Variants in CCSAP observed in about 807,000 individuals in gnomAD.
The protein encoded by CCSAP is centriole, cilia and spindle associated protein, also known as centriole, cilia and spindle-associated protein.
A neutral mutation model predicts 25.9 loss-of-function variants in CCSAP; 17 were observed. The ratio of observed to expected loss-of-function variants is 0.66; its 90% CI spans 0.45 to 0.99. The LOEUF is 0.99. Ranked by LOEUF, CCSAP falls within the 50% of genes least tolerant of loss-of-function variation. The pLI, the probability that CCSAP is intolerant of heterozygous loss-of-function variation, is 0.00. For synonymous variants in CCSAP, 169 were observed against 157.1 expected (o/e 1.08, Z -0.57); for missense variants, 339 against 367.8 (o/e 0.92, Z 0.64).
In CCSAP at chr1:229,342,750, A is replaced by G. The variant is rs1658373103; in HGVS notation, c.-49+162T>C. 6.6e-6 allele frequency among the ~76,000 whole-genome samples: 1 copy of G among 151,644 alleles called. No homozygotes were observed. Among genetic ancestry groups the G allele is most frequent in the Admixed American group, 6.6e-5 (1 of 15,252 alleles). ...CCGAGGAGGGCTGCTCAGTGGGCGGAAGGCAGGGAGGCTGCGGGCTGGGGC... is the reference window on the plus strand; with the variant it reads ...CCGAGGAGGGCTGCTCAGTGGGCGGGAGGCAGGGAGGCTGCGGGCTGGGGC... On this transcript the variant is annotated intron_variant, in intron 1 of 3. Coordinates refer to ENST00000284617, the MANE Select transcript of CCSAP (RefSeq NM_145257.5). This position sits in a 1 kb window ranked among gnomAD's most constrained non-coding sequence, Gnocchi z 7.5.
rs149911381 is a variant in CCSAP at position 229,327,472 on chromosome 1, G to C, written c.368-466C>G. On this transcript the variant is annotated intron_variant, in intron 2 of 3. Coordinates refer to ENST00000284617, the MANE Select transcript of CCSAP (RefSeq NM_145257.5). ...TCCTTAGTCCTTCCGTGCTCCTCCT[G>C]AGAGCCGCTTCCTTCATTCAAAAGC... 74 of 455,512 alleles carry C rather than the reference G, an allele frequency of 1.6e-4. 2 individuals carry two copies. The East Asian group carries it at 3.6e-3, about 22-fold the overall frequency. The allele number at this position is 455,512 out of a possible 1,614,324, so 28.2% of individuals were successfully genotyped here.
rs142687109 is a variant in CCSAP at position 229,326,789 on chromosome 1, A to G, written c.585T>C (p.Asp195=). Residue 195 remains aspartate (D), a synonymous_variant, in exon 3 of 4, where the codon GAT becomes GAC. Coordinates refer to ENST00000284617, the MANE Select transcript of CCSAP (RefSeq NM_145257.5). ...CGTTGTGAGTCTTCTGGCTTCCTGTATCGGTCTGTTTTTCTCCCCAGCCAT... is the reference window on the plus strand; with the variant it reads ...CGTTGTGAGTCTTCTGGCTTCCTGTGTCGGTCTGTTTTTCTCCCCAGCCAT... ...ALYGWGEKQT[D]TGSQKTHNVC... is the part of the protein sequence containing the mutation. 5.3e-5 allele frequency: 85 copies of G among 1,614,192 alleles called. No homozygotes were observed. The African/African-American group carries it at 9.6e-4, about 18-fold the overall frequency.
chr1:229,337,571 G>A (rs1427136731), intron 2 of CCSAP, among the ~76,000 whole-genome samples: 5 of 149,880 alleles, frequency 3.3e-5, no homozygotes, highest in Non-Finnish European at 7.4e-5. Context: ...TGCAAGGCAG[G>A]GGATCACACA....
At chr1:229,339,746 T>C (rs1422071864) in intron 2 of CCSAP, among the ~76,000 whole-genome samples, 1 of 152,122 alleles carries the variant, frequency 6.6e-6, no homozygotes, top group Admixed American at 6.5e-5. Flanking sequence ...ATGTGTTGGT[T>C]GTATTGTGAA....
chr1:229,336,850 T>A (rs1459260931), intron 2 of CCSAP, among the ~76,000 whole-genome samples: 1 of 152,166 alleles, frequency 6.6e-6, no homozygotes, highest in African/African-American at 2.4e-5. Flanking sequence ...TTTTTTTTAA[T>A]GTAAAGAACA....
rs909231949 is a variant in CCSAP at position 229,327,479 on chromosome 1, GCTTC to G, written c.368-477_368-474del. 58 of 455,626 alleles carry G rather than the reference GCTTC, an allele frequency of 1.3e-4. 1 individual carries two copies. The highest frequency in any genetic ancestry group is 1.2e-3 in the Admixed American group (52 of 42,532). 28.2% of individuals were successfully genotyped at this position (455,626 alleles called of 1,614,324 possible). A position where few individuals can be genotyped will look rare whatever the true frequency, so the allele number is the denominator to read the frequency against. On this transcript the variant is annotated intron_variant, in intron 2 of 3. Transcript: ENST00000284617. The stretch of plus-strand genomic sequence containing the variant: ...TCCTTCCGTGCTCCTCCTGAGAGCC[GCTTC>G]CTTCATTCAAAAGCCCCTCCGCACA...
intron 2 of CCSAP, among the ~76,000 whole-genome samples, chr1:229,337,899 T>C (rs1287466211): frequency 6.6e-6 from 1 of 151,404 alleles, no homozygotes; most frequent in African/African-American, 2.4e-5. Flanking sequence ...TAGCTTATTT[T>C]TTAATAAACC....
chr1:229,333,326 C>G (rs554760011), intron 2 of CCSAP, among the ~76,000 whole-genome samples: 111 of 148,874 alleles, frequency 7.5e-4, no homozygotes, highest in Middle Eastern at 3.6e-3. Context: ...CCAGCTACTC[C>G]GGAGGCAGAG....
intron 2 of CCSAP, among the ~76,000 whole-genome samples, chr1:229,333,410 G>A (rs1201679051): frequency 4.1e-5 from 6 of 145,728 alleles, no homozygotes; most frequent in Non-Finnish European, 9.0e-5. Context: ...TCCAGCCTGG[G>A]CGACAGAGCG....
At chr1:229,331,879 G>A (rs1044298308) in intron 2 of CCSAP, among the ~76,000 whole-genome samples, 3 of 151,024 alleles carry the variant, frequency 2.0e-5, no homozygotes, top group South Asian at 2.1e-4. Context: ...GCAATGGCGC[G>A]ATCTCAGCTC....
intron 2 of CCSAP, among the ~76,000 whole-genome samples, chr1:229,331,908 C>T (rs1284052144): frequency 6.6e-6 from 1 of 151,610 alleles, no homozygotes; most frequent in East Asian, 1.9e-4. Flanking sequence ...CTCTGCCTCC[C>T]GAATAGCTGG....
chr1:229,335,038 A>C (rs1345914057), intron 2 of CCSAP, among the ~76,000 whole-genome samples: 1 of 152,174 alleles, frequency 6.6e-6, no homozygotes, highest in Non-Finnish European at 1.5e-5. Flanking sequence ...CATGAGCCAG[A>C]TGTGGTGGCT....
intron 2 of CCSAP, among the ~76,000 whole-genome samples, chr1:229,341,384 G>A (rs1658329578): frequency 6.6e-6 from 1 of 152,184 alleles, no homozygotes; most frequent in Non-Finnish European, 1.5e-5. Flanking sequence ...ACTCCAGGCT[G>A]TACTGAGGCG....
At position 229,326,919 on chromosome 1, in the gene CCSAP, C is replaced by T. The variant is rs140506323; in HGVS notation, c.455G>A (p.Arg152Gln). The T allele has an allele frequency of 1.1e-5, 18 of 1,614,024 alleles. No individual in the cohort carries two copies. The highest frequency in any genetic ancestry group is 8.0e-5 in the African/African-American group (6 of 74,900). Residue 152 changes from arginine to glutamine, a missense_variant, in exon 3 of 4, where the codon CGA (arginine) becomes CAA (glutamine). Transcript: ENST00000284617. ...TDKSPTSTEPRQQPSALFARG... is the reference protein window; with the variant it reads ...TDKSPTSTEPQQQPSALFARG... ...AGCAAATAAGGCACTTGGTTGCTGT[C>T]GAGGCTCAGTACTGGTGGGTGATTT...
In CCSAP at chr1:229,342,086, C is replaced by G. The variant is rs1185647356; in HGVS notation, c.367+13G>C. ...GCGTGCAGGCCCCTCGCGCTCCCCT[C>G]CGGGCCGGGTACCTGGCAGAGCCGC... On this transcript the variant is annotated intron_variant, in intron 2 of 3. Transcript: ENST00000284617. The surrounding 1 kb of genome is among the most constrained non-coding windows in gnomAD (Gnocchi z 7.5). The G allele has an allele frequency of 6.0e-6, 8 of 1,332,978 alleles. No homozygotes were observed. The highest frequency in any genetic ancestry group is 7.7e-6 in the Non-Finnish European group (8 of 1,044,916). The allele number at this position is 1,332,978 out of a possible 1,614,324, so 82.6% of individuals were successfully genotyped here.
chr1:229,325,144 A>G lies in CCSAP; in HGVS notation c.*91T>C. The G allele has an allele frequency of 7.6e-7, 1 of 1,314,648 alleles. No individual in the cohort carries two copies. The highest frequency in any genetic ancestry group is 1.5e-5 in the African/African-American group (1 of 68,128). 81.4% of individuals were successfully genotyped at this position (1,314,648 alleles called of 1,614,324 possible). On this transcript the variant is annotated 3_prime_UTR_variant, in exon 4 of 4. Transcript: ENST00000284617. ...CTTGCATAATCAGTTGGTTTCTTAA[A>G]CCTGTGTCCGTTTCTTTTGATGGTT...
At chr1:229,332,598 T>TG (rs1361314348) in intron 2 of CCSAP, among the ~76,000 whole-genome samples, 1 of 152,206 alleles carries the variant, frequency 6.6e-6, no homozygotes, top group African/African-American at 2.4e-5. Flanking sequence ...AAGATTACAA[T>TG]GCCCCTTTCT....
chr1:229,326,795 C>T lies in CCSAP; in HGVS notation c.579G>A (p.Gln193=). The change falls in exon 3 of 4, where the codon CAG becomes CAA. Residue 193 remains glutamine, a synonymous_variant. Transcript: ENST00000284617. The part of the protein sequence containing the change: ...PFALYGWGEK[Q]TDTGSQKTHN... ...GAGTCTTCTGGCTTCCTGTATCGGT[C>T]TGTTTTTCTCCCCAGCCATAAAGAG... The T allele has an allele frequency of 6.2e-7, 1 of 1,614,228 alleles. No individual in the cohort carries two copies. Among genetic ancestry groups the T allele is most frequent in the Non-Finnish European group, 8.5e-7 (1 of 1,180,050 alleles).
At position 229,342,121 on chromosome 1, in the gene CCSAP, G is replaced by A; in HGVS notation, c.345C>T (p.Asp115=). 2 of 1,344,672 alleles carry A rather than the reference G, an allele frequency of 1.5e-6. No homozygotes were observed. Among genetic ancestry groups the A allele is most frequent in the South Asian group, 4.2e-5 (2 of 48,014 alleles). 83.3% of individuals were successfully genotyped at this position (1,344,672 alleles called of 1,614,324 possible). A position where few individuals can be genotyped will look rare whatever the true frequency, so the allele number is the denominator to read the frequency against. Reference sequence around the variant, plus strand: ...TACCTGGCAGAGCCGCGTCCTCCGCGTCCTCGGCCTCCGCGTCCCCGGCCT... The same window carrying A: ...TACCTGGCAGAGCCGCGTCCTCCGCATCCTCGGCCTCCGCGTCCCCGGCCT... The part of the protein sequence containing the change: ...DAEAGDAEAE[D]AEDAALPALP... Residue 115 remains aspartate, a synonymous_variant, in exon 2 of 4, where the codon GAC becomes GAT. Coordinates refer to ENST00000284617, the MANE Select transcript of CCSAP (RefSeq NM_145257.5). This position sits in a 1 kb window ranked among gnomAD's most constrained non-coding sequence, Gnocchi z 7.5.
Sources: gnomAD v4.1 joint callset for allele counts (sites outside exome capture counted in the v4.1 genomes callset) on GRCh38, gnomAD v4.1.1 for gene constraint, Gnocchi (gnomAD v3.1) non-coding constraint, MANE v1.5 for transcripts, NCBI Gene and HGNC (gene_info 2026-07-23, HGNC 2026-07-21) for gene names.